GDA: variants seen among roughly 807,000 people sequenced by gnomAD.
GDA encodes the protein guanine deaminase.
In GDA, 18 loss-of-function variants were observed where a neutral mutation model predicts 59.6. The observed-to-expected ratio is 0.30, with a 90% confidence interval of 0.21 to 0.45. The LOEUF (loss-of-function observed/expected upper bound fraction) is 0.45, where lower values mean the gene tolerates loss of function less well. Among genes scored for constraint, GDA ranks in the 20% least tolerant of loss-of-function variants. The pLI, the probability that GDA is intolerant of heterozygous loss-of-function variation, is 1.00. For missense variants in GDA, 427 were observed against 552.3 expected, an observed-to-expected ratio of 0.77 and a Z score of 2.27; for synonymous variants, 201 against 201.1, an observed-to-expected ratio of 1.00 and a Z score of 0.00.
upstream of GDA, among the ~76,000 whole-genome samples, chr9:72,145,092 G>GA (rs1826579021): frequency 2.6e-5 from 4 of 152,092 alleles, no homozygotes; most frequent in African/African-American, 9.7e-5. Context: ...TGCACTCTCT[G>GA]TACCTCATGA....
At chr9:72,137,044 AG>A (rs1489210301) in intron 1 of GDA, among the ~76,000 whole-genome samples, 1 of 152,114 alleles carries the variant, frequency 6.6e-6, no homozygotes, top group African/African-American at 2.4e-5. Flanking sequence ...AAACTAACAA[AG>A]GAAATGATCA....
chr9:72,149,693 G>A lies in GDA; in HGVS notation c.123+11G>A. 1 of 1,592,912 alleles carries A rather than the reference G, an allele frequency of 6.3e-7. No homozygotes were observed. On this transcript the variant is annotated intron_variant, in intron 1 of 13. Coordinates refer to ENST00000358399, the MANE Select transcript of GDA (RefSeq NM_004293.5). ...AGCGACAGCGGCAAAGTAAGCAGGC[G>A]CGGGGTCGAGCGCACTCCGACGGGC...
chr9:72,195,424 T>G (rs1833047179), intron 1 of GDA, 76 bp from the exon 2 acceptor site: 2 of 523,548 alleles, frequency 3.8e-6, no homozygotes, highest in Non-Finnish European at 6.7e-6. Flanking sequence ...TTAAGAATAT[T>G]TACATATTTA....
chr9:72,240,453 T>C (rs892228089), intron 10 of GDA, among the ~76,000 whole-genome samples: 2 of 152,224 alleles, frequency 1.3e-5, no homozygotes. Context: ...TCTTCAGAGA[T>C]AAGAGTTTCT....
intron 1 of GDA, among the ~76,000 whole-genome samples, chr9:72,189,235 C>T (rs1157929346): frequency 7.8e-6 from 1 of 127,490 alleles, no homozygotes; most frequent in African/African-American, 3.1e-5. Context: ...GCTGGAACTA[C>T]AGTGGTGTGA....
intron 3 of GDA, among the ~76,000 whole-genome samples, chr9:72,208,371 T>C (rs556021523): frequency 6.6e-6 from 1 of 152,344 alleles, no homozygotes; most frequent in South Asian, 2.1e-4. Flanking sequence ...AGGGTTTTCC[T>C]CTGCATTTAA....
At chr9:72,204,279 C>T (rs1360068324) in intron 3 of GDA, among the ~76,000 whole-genome samples, 5 of 152,100 alleles carry the variant, frequency 3.3e-5, no homozygotes, top group Non-Finnish European at 7.3e-5. Context: ...GTGTTAACCA[C>T]ACCAAATCTT....
chr9:72,186,350 G>C (rs764023638), intron 1 of GDA, among the ~76,000 whole-genome samples: 4 of 152,082 alleles, frequency 2.6e-5, no homozygotes, highest in Non-Finnish European at 5.9e-5. Flanking sequence ...AACCTGCCAA[G>C]CACACTCCCA....
At chr9:72,150,573 CA>C (rs374808129) in intron 1 of GDA, among the ~76,000 whole-genome samples, 3 of 151,880 alleles carry the variant, frequency 2.0e-5, no homozygotes, top group Non-Finnish European at 4.4e-5. Flanking sequence ...TTTTTTAGAA[CA>C]AAAAAATGAT....
At chr9:72,156,711 G>C (rs1021735248) in intron 1 of GDA, among the ~76,000 whole-genome samples, 2 of 152,150 alleles carry the variant, frequency 1.3e-5, no homozygotes, top group African/African-American at 4.8e-5. Context: ...ATACATCATG[G>C]TGTAAGCCAG....
intron 10 of GDA, among the ~76,000 whole-genome samples, chr9:72,236,401 C>A (rs1228683350): frequency 3.9e-5 from 6 of 152,152 alleles, no homozygotes; most frequent in African/African-American, 1.4e-4. Flanking sequence ...TCTTCTTAAA[C>A]TTTCTACCCC....
rs763084635 is a variant in GDA, at chr9:72,202,657, T to C, written c.299T>C (p.Leu100Ser). Reference protein sequence around the residue: ...FAGSSIDLPLLEWLTKYTFPA... With the variant: ...FAGSSIDLPLSEWLTKYTFPA... ...GGAAGTAGCATAGACCTGCCACTCT[T>C]GGAGTGGCTGACCAAGTACACATTT... Residue 100 changes from leucine to serine, a missense_variant, in exon 3 of 14, where the codon TTG becomes TCG. By Grantham distance (145) the Leu-to-Ser change is moderately radical. Transcript: ENST00000358399. 3.1e-6 allele frequency: 5 copies of C among 1,610,160 alleles called. No homozygotes were observed. Among genetic ancestry groups the C allele is most frequent in the Non-Finnish European group, 4.3e-6 (5 of 1,176,374 alleles).
intron 9 of GDA, among the ~76,000 whole-genome samples, chr9:72,230,275 C>T (rs1808393752): frequency 6.6e-6 from 1 of 152,032 alleles, no homozygotes. Flanking sequence ...GGAGGATCAC[C>T]TGAGGTCAAG....
In GDA at chr9:72,225,683, A is replaced by G. The variant is rs777199542; in HGVS notation, c.721A>G (p.Ile241Val). The G allele has an allele frequency of 1.9e-5, 28 of 1,442,754 alleles. No homozygotes were observed. Among genetic ancestry groups the G allele is most frequent in the Admixed American group, 1.6e-4 (9 of 54,614 alleles). The allele number at this position is 1,442,754 out of a possible 1,614,324, so 89.4% of individuals were successfully genotyped here. The change falls in exon 8 of 14, where the codon ATA becomes GTA. Residue 241 changes from isoleucine to valine, a missense_variant. Coordinates refer to ENST00000358399, the MANE Select transcript of GDA (RefSeq NM_004293.5). Reference sequence around the variant, plus strand: ...TATTATTTTTTTCTTGTAGAGCCATATAAGTGAAAATCGTGATGAAGTTGA... The same window carrying G: ...TATTATTTTTTTCTTGTAGAGCCATGTAAGTGAAAATCGTGATGAAGTTGA... ...KTRDLHIQSHISENRDEVEAV... is the reference protein window; with the variant it reads ...KTRDLHIQSHVSENRDEVEAV...
intron 2 of GDA, among the ~76,000 whole-genome samples, chr9:72,196,633 G>A (rs976659266): frequency 6.6e-6 from 1 of 151,982 alleles, no homozygotes; most frequent in Non-Finnish European, 1.5e-5. Context: ...GTGCAGGTTT[G>A]TTACACAGGT....
At chr9:72,205,110 CAAA>C (rs71357549) in intron 3 of GDA, among the ~76,000 whole-genome samples, 2 of 86,180 alleles carry the variant, frequency 2.3e-5, no homozygotes, top group African/African-American at 9.3e-5. Flanking sequence ...GACTCTGTCT[CAAA>C]AAAAAAAAAA....
chr9:72,245,314 T>C (rs1476649268), intron 12 of GDA, 36 bp downstream of exon 12: 1 of 1,525,336 alleles, frequency 6.6e-7, no homozygotes, highest in South Asian at 1.1e-5. Flanking sequence ...GGCATTTATT[T>C]CATAAAGTCG....
chr9:72,132,784 A>G (rs912770977), intron 1 of GDA, among the ~76,000 whole-genome samples: 2 of 152,164 alleles, frequency 1.3e-5, no homozygotes, highest in African/African-American at 4.8e-5. Flanking sequence ...TAATCAGAAC[A>G]ATATCCCTGT....
chr9:72,136,243 T>C (rs1826221650), intron 1 of GDA, among the ~76,000 whole-genome samples: 1 of 152,212 alleles, frequency 6.6e-6, no homozygotes, highest in African/African-American at 2.4e-5. Context: ...CTGAGGTCTC[T>C]TGTCTCTTTT....
Sources: gnomAD v4.1 joint callset for allele counts (sites outside exome capture counted in the v4.1 genomes callset) on GRCh38, gnomAD v4.1.1 for gene constraint, MANE v1.5 for transcripts, NCBI Gene and HGNC (gene_info 2026-07-23, HGNC 2026-07-21) for gene names.